The following ENPP5 variants were observed in gnomAD, a reference collection of about 807,000 sequenced individuals.
The protein encoded by ENPP5 is E-NPP 5.
ENPP5 carries 27 observed loss-of-function variants against 33.7 expected under a neutral mutation model. That is an observed-to-expected ratio of 0.80 (90% CI 0.59 to 1.11). The LOEUF (loss-of-function observed/expected upper bound fraction) is 1.11. Among genes scored for constraint, ENPP5 ranks in the 50% least tolerant of loss-of-function variants. ENPP5 has a pLI of 0.00. For synonymous variants in ENPP5, 199 were observed against 200.5 expected (o/e 0.99, Z 0.06); for missense variants, 552 against 579.2 (o/e 0.95, Z 0.48).
intron 4 of ENPP5, among the ~76,000 whole-genome samples, chr6:46,163,087 T>G (rs538488368): frequency 2.0e-5 from 3 of 152,368 alleles, no homozygotes; most frequent in Admixed American, 2.0e-4. Flanking sequence ...CGATCATAAA[T>G]GCTTGATCAA....
chr6:46,161,174 T>C lies in ENPP5; in HGVS notation c.*152A>G. The C allele has an allele frequency of 3.8e-6, 1 of 266,054 alleles. No individual in the cohort carries two copies. The highest frequency in any genetic ancestry group is 7.8e-5 in the East Asian group (1 of 12,748). The allele number at this position is 266,054 out of a possible 1,614,324, so 16.5% of individuals were successfully genotyped here. A position where few individuals can be genotyped will look rare whatever the true frequency, so the allele number is the denominator to read the frequency against. On this transcript the variant is annotated 3_prime_UTR_variant, in exon 5 of 5. Transcript: ENST00000371383. Reference sequence around the variant, plus strand: ...AAGTATTTTGGTCCGTGTGTGTGTATGTGTGTGTGTGTGTGTGTGTATACC... The same window carrying C: ...AAGTATTTTGGTCCGTGTGTGTGTACGTGTGTGTGTGTGTGTGTGTATACC...
In ENPP5 at chr6:46,170,110, C is replaced by G. The variant is rs1764691451; in HGVS notation, c.-93G>C. On this transcript the variant is annotated 5_prime_UTR_variant, in exon 2 of 5. Coordinates refer to ENST00000371383, the MANE Select transcript of ENPP5 (RefSeq NM_001290072.2). Reference sequence around the variant, plus strand: ...GTCCTTTCTCCCCCTAATTTTCTCTCCCACCTTTTTAAAACAAGGAAGGCT... The same window carrying G: ...GTCCTTTCTCCCCCTAATTTTCTCTGCCACCTTTTTAAAACAAGGAAGGCT... 6.6e-6 allele frequency: 1 copy of G among 152,166 alleles called. No individual in the cohort carries two copies. Among genetic ancestry groups the G allele is most frequent in the African/African-American group, 2.4e-5 (1 of 41,434 alleles). The allele number at this position is 152,166 out of a possible 1,614,324, so 9.4% of individuals were successfully genotyped here.
In ENPP5 at chr6:46,167,724, A is replaced by T; in HGVS notation, c.539T>A (p.Ile180Lys). The T allele has an allele frequency of 6.2e-7, 1 of 1,614,188 alleles. No homozygotes were observed. Among genetic ancestry groups the T allele is most frequent in the Non-Finnish European group, 8.5e-7 (1 of 1,180,036 alleles). The change falls in exon 3 of 5, where the codon ATA becomes AAA. Residue 180 changes from isoleucine (I) to lysine (K), a missense_variant. Ile to Lys is a moderately radical substitution (Grantham distance 102). Transcript: ENST00000371383. ...IIEWFTSKEPINLGLLYWEDP... is the reference protein window; with the variant it reads ...IIEWFTSKEPKNLGLLYWEDP... ...TTCCCAATAGAGAAGACCAAGATTT[A>T]TGGGCTCTTTTGACGTAAACCATTC...
chr6:46,163,485 C>T (rs188850011), intron 4 of ENPP5, among the ~76,000 whole-genome samples: 430 of 150,696 alleles, frequency 2.9e-3, no homozygotes, highest in African/African-American at 0.01. Flanking sequence ...TTTGTTCTTG[C>T]GATAGTTTAC....
In ENPP5 at chr6:46,165,530, T is replaced by G; in HGVS notation, c.863A>C (p.His288Pro). 6.2e-7 allele frequency: 1 copy of G among 1,601,862 alleles called. No individual in the cohort carries two copies. Among genetic ancestry groups the G allele is most frequent in the Non-Finnish European group, 8.5e-7 (1 of 1,176,252 alleles). ...GTAAACAGTAAGATTAGGATGAGCG[T>G]GAGTTAGTGCTTCATAGACTTCATC... ...KFDEVYEALT[H>P]AHPNLTVYKK... The change falls in exon 4 of 5, where the codon CAC becomes CCC. Residue 288 changes from histidine (H) to proline (P), a missense_variant. Coordinates refer to ENST00000371383, the MANE Select transcript of ENPP5 (RefSeq NM_001290072.2).
At chr6:46,162,096 A>G (rs1488645985) in intron 4 of ENPP5, among the ~76,000 whole-genome samples, 2 of 152,212 alleles carry the variant, frequency 1.3e-5, no homozygotes, top group African/African-American at 2.4e-5. Context: ...ATATTCAGCA[A>G]ATACTTATGG....
At position 46,161,042 on chromosome 6, in the gene ENPP5, TA is replaced by T; in HGVS notation, c.*283del. The T allele has an allele frequency of 2.7e-6, 1 of 371,798 alleles. No individual in the cohort carries two copies. Among genetic ancestry groups the T allele is most frequent in the South Asian group, 3.8e-5 (1 of 26,380 alleles). 23.0% of individuals were successfully genotyped at this position (371,798 alleles called of 1,614,324 possible). ...CTTTACATAGTGCAAAGTTGCTAAA[TA>T]TATACATTATCTGCGCCAAGTCCAA... On this transcript the variant is annotated 3_prime_UTR_variant, in exon 5 of 5. Coordinates refer to ENST00000371383, the MANE Select transcript of ENPP5 (RefSeq NM_001290072.2).
In ENPP5 at chr6:46,168,267, A is replaced by C; in HGVS notation, c.-5T>G. 1 of 1,519,786 alleles carries C rather than the reference A, an allele frequency of 6.6e-7. No individual in the cohort carries two copies. Among genetic ancestry groups the C allele is most frequent in the Non-Finnish European group, 9.0e-7 (1 of 1,108,560 alleles). The allele number at this position is 1,519,786 out of a possible 1,614,324, so 94.1% of individuals were successfully genotyped here. On this transcript the variant is annotated 5_prime_UTR_variant, in exon 3 of 5. Coordinates refer to ENST00000371383, the MANE Select transcript of ENPP5 (RefSeq NM_001290072.2). ...CAAGAGAAATTTCGAAGTCATTTTC[A>C]AAGTACTTGATCAGTTCAGTGTAAG...
chr6:46,166,834 T>A (rs1250179451), intron 3 of ENPP5, among the ~76,000 whole-genome samples: 1 of 152,226 alleles, frequency 6.6e-6, no homozygotes, highest in Non-Finnish European at 1.5e-5. Flanking sequence ...GACCTCAGGA[T>A]GTTAAACCTT....
chr6:46,161,899 G>A, intron 4 of ENPP5, 146 bp from the exon 5 acceptor site: 1 of 671,326 alleles, frequency 1.5e-6, no homozygotes, highest in Non-Finnish European at 2.6e-6. Flanking sequence ...AATCTCTGCT[G>A]TTGTCCACAT....
rs1764400543 is a variant in ENPP5 at position 46,161,688 on chromosome 6, C to T, written c.1072G>A (p.Ala358Thr). 1 of 1,613,812 alleles carries T rather than the reference C, an allele frequency of 6.2e-7. No individual in the cohort carries two copies. The highest frequency in any genetic ancestry group is 8.5e-7 in the Non-Finnish European group (1 of 1,179,904). ...MHPIFLAHGP[A>T]FRKNFSKEAM... ...TCTTTTGAGAAATTCTTTCTGAAGG[C>T]AGGACCATGGGCTAAAAATATTGGA... Residue 358 changes from alanine to threonine, a missense_variant, in exon 5 of 5, where the codon GCC (alanine) becomes ACC (threonine). Physicochemically the swap from Ala to Thr is moderately conservative, Grantham distance 58 (BLOSUM62 0). Transcript: ENST00000371383.
At position 46,167,970 on chromosome 6, in the gene ENPP5, G is replaced by A. The variant is rs1312837338; in HGVS notation, c.293C>T (p.Pro98Leu). Residue 98 changes from proline (P) to leucine (L), a missense_variant, in exon 3 of 5, where the codon CCT (proline) becomes CTT (leucine). By Grantham distance (98) the Pro-to-Leu change is moderately conservative. Transcript: ENST00000371383. ...HGIVANDMFD[P>L]IRNKSFSLDH... ...CAAGGAGAAAGATTTGTTCCGAATA[G>A]GATCAAACATATCATTTGCAACAAT... The A allele has an allele frequency of 6.2e-7, 1 of 1,614,134 alleles. No individual in the cohort carries two copies. Among genetic ancestry groups the A allele is most frequent in the African/African-American group, 1.3e-5 (1 of 75,016 alleles).
chr6:46,167,088 A>G (rs1764568834), intron 3 of ENPP5, among the ~76,000 whole-genome samples: 1 of 152,240 alleles, frequency 6.6e-6, no homozygotes, highest in Non-Finnish European at 1.5e-5. Context: ...CTTCTATGAA[A>G]TAACTGTACA....
chr6:46,167,948 G>A lies in ENPP5; in HGVS notation c.315C>T (p.Ser105=). 1 of 1,614,136 alleles carries A rather than the reference G, an allele frequency of 6.2e-7. No individual in the cohort carries two copies. The highest frequency in any genetic ancestry group is 8.5e-7 in the Non-Finnish European group (1 of 1,180,038). The change falls in exon 3 of 5, where the codon TCC becomes TCT. Residue 105 remains serine, a synonymous_variant. Coordinates refer to ENST00000371383, the MANE Select transcript of ENPP5 (RefSeq NM_001290072.2). ...AATCATAAATATTCATGTGATCCAA[G>A]GAGAAAGATTTGTTCCGAATAGGAT... is the stretch of plus-strand genomic sequence containing the variant. ...MFDPIRNKSF[S]LDHMNIYDSK...
intron 4 of ENPP5, among the ~76,000 whole-genome samples, chr6:46,164,409 G>C (rs897111336): frequency 5.9e-5 from 9 of 152,164 alleles, no homozygotes; most frequent in Non-Finnish European, 1.3e-4. Context: ...CCACTGCTTT[G>C]GGGCATTAGG....
intron 2 of ENPP5, among the ~76,000 whole-genome samples, chr6:46,169,652 C>G (rs1764677453): frequency 6.6e-6 from 1 of 152,174 alleles, no homozygotes; most frequent in African/African-American, 2.4e-5. Flanking sequence ...TCTCGGCTCC[C>G]CAAAGTGCTG....
In ENPP5 at chr6:46,168,222, G is replaced by A. The variant is rs1764616345; in HGVS notation, c.41C>T (p.Ala14Val). Residue 14 changes from alanine (A) to valine (V), a missense_variant, in exon 3 of 5, where the codon GCA (alanine) becomes GTA (valine). Physicochemically the swap from Ala to Val is moderately conservative, Grantham distance 64. Coordinates refer to ENST00000371383, the MANE Select transcript of ENPP5 (RefSeq NM_001290072.2). ...AGAAAAGGTGGTTGAAAGACTCAGT[G>A]CAGCAAGTATGAAGGACACCAAGAG... ...KFLLVSFILA[A>V]LSLSTTFSLQ... 1 of 1,606,278 alleles carries A rather than the reference G, an allele frequency of 6.2e-7. No homozygotes were observed. The highest frequency in any genetic ancestry group is 8.5e-7 in the Non-Finnish European group (1 of 1,174,856).
At chr6:46,165,232 C>T in intron 4 of ENPP5, 155 bp downstream of exon 4, 2 of 553,508 alleles carry the variant, frequency 3.6e-6, no homozygotes, top group Non-Finnish European at 5.9e-6. Flanking sequence ...CTAAAAAAAG[C>T]ATTTTTAGAT....
Position 46,161,375 on chromosome 6 carries a change from G to C in ENPP5, c.1385C>G (p.Ala462Gly). ...IKHLIHSQIP[A>G]LQDMHAEIAQ... ...TATTTCAGCATGCATATCTTGTAAG[G>C]CAGGTATTTGACTGTGAATTAAATG... Residue 462 changes from alanine to glycine, a missense_variant, in exon 5 of 5, where the codon GCC (alanine) becomes GGC (glycine). Coordinates refer to ENST00000371383, the MANE Select transcript of ENPP5 (RefSeq NM_001290072.2). 1 of 1,613,608 alleles carries C rather than the reference G, an allele frequency of 6.2e-7. No individual in the cohort carries two copies. The highest frequency in any genetic ancestry group is 8.5e-7 in the Non-Finnish European group (1 of 1,179,708).
Sources: gnomAD v4.1 joint callset for allele counts (sites outside exome capture counted in the v4.1 genomes callset) on GRCh38, gnomAD v4.1.1 for gene constraint, MANE v1.5 for transcripts, NCBI Gene and HGNC (gene_info 2026-07-23, HGNC 2026-07-21) for gene names.